ASAP1: variants seen among roughly 807,000 people sequenced by gnomAD.
The protein encoded by ASAP1 is arf-GAP with SH3 domain, ANK repeat and PH domain-containing protein 1.
Under a neutral mutation model 145.2 loss-of-function variants are expected in ASAP1, and 43 were observed. That is an observed-to-expected ratio of 0.30 (90% CI 0.23 to 0.38). The LOEUF (loss-of-function observed/expected upper bound fraction) is 0.38, where lower values mean the gene tolerates loss of function less well. ASAP1 is among the 10% of genes least tolerant of loss of function. The pLI is 1.00. For missense variants in ASAP1, 1,018 were observed against 1,355.3 expected (o/e 0.75, Z 3.91); for synonymous variants, 546 against 515.5 (o/e 1.06, Z -0.80).
chr8:130,402,016 A>C, intron 1 of ASAP1, 46 bp from the exon 2 acceptor site: 1 of 1,284,976 alleles, frequency 7.8e-7, no homozygotes, highest in Non-Finnish European at 1.1e-6. Context: ...CATCCGGTGA[A>C]ACTGGGCAGA....
chr8:130,337,828 G>A (rs1038549566), intron 3 of ASAP1, among the ~76,000 whole-genome samples: 1 of 152,156 alleles, frequency 6.6e-6, no homozygotes, highest in African/African-American at 2.4e-5. Flanking sequence ...GCCAGACTTG[G>A]TAGCAAACTC....
At chr8:130,230,733 A>AT (rs1348786438) in intron 4 of ASAP1, among the ~76,000 whole-genome samples, 2 of 152,144 alleles carry the variant, frequency 1.3e-5, no homozygotes, top group African/African-American at 4.8e-5. Context: ...ATTCAAAAAG[A>AT]TTTTTTAAAA....
chr8:130,171,323 G>A (rs1203298015), intron 9 of ASAP1, among the ~76,000 whole-genome samples: 2 of 152,084 alleles, frequency 1.3e-5, no homozygotes, highest in South Asian at 2.1e-4. Context: ...CACCCAAGAC[G>A]GAGTAATTTA....
At chr8:130,182,966 A>G (rs938003372) in intron 7 of ASAP1, among the ~76,000 whole-genome samples, 2 of 151,874 alleles carry the variant, frequency 1.3e-5, no homozygotes, top group African/African-American at 4.8e-5. Context: ...TATAAATAGA[A>G]CAGAAAAGAG....
Position 130,079,924 on chromosome 8 carries a change from C to G in ASAP1, c.2620G>C (p.Glu874Gln). 6.2e-7 allele frequency: 1 copy of G among 1,614,188 alleles called. No homozygotes were observed. Among genetic ancestry groups the G allele is most frequent in the African/African-American group, 1.3e-5 (1 of 75,058 alleles). ...TACCTCGACTGCTGGGATAGTCCCTCAAACTTGTTTGTAGTCTTACTTGAA... is the reference window on the plus strand; with the variant it reads ...TACCTCGACTGCTGGGATAGTCCCTGAAACTTGTTTGTAGTCTTACTTGAA... ...SSSSKTTNKF[E>Q]GLSQQSSTSS... Residue 874 changes from glutamate (E) to glutamine (Q), a missense_variant, in exon 26 of 30, where the codon GAG becomes CAG. This residue lies in a region of ASAP1 where 353 missense variants were observed against 375.4 expected (regional missense o/e 0.94). Coordinates refer to ENST00000518721, the MANE Select transcript of ASAP1 (RefSeq NM_018482.4).
intron 27 of ASAP1, among the ~76,000 whole-genome samples, chr8:130,061,593 C>T (rs555074021): frequency 1.3e-5 from 2 of 152,212 alleles, no homozygotes; most frequent in African/African-American, 4.8e-5. Context: ...TATTTCTCCC[C>T]ATTTTACATG....
At chr8:130,138,643 C>T (rs1314713213) in intron 13 of ASAP1, among the ~76,000 whole-genome samples, 1 of 152,026 alleles carries the variant, frequency 6.6e-6, no homozygotes, top group Non-Finnish European at 1.5e-5. Context: ...TCCAGACCCG[C>T]CTGATCAACA....
chr8:130,162,825 A>G (rs1005216647), intron 11 of ASAP1: 1 of 152,132 alleles, frequency 6.6e-6, no homozygotes, highest in Non-Finnish European at 1.5e-5. Flanking sequence ...CTCAAAAAAA[A>G]AAAAAAACAA....
chr8:130,122,644 T>G (rs975524560), intron 18 of ASAP1, among the ~76,000 whole-genome samples: 2 of 152,206 alleles, frequency 1.3e-5, no homozygotes, highest in Non-Finnish European at 2.9e-5. Context: ...TTGTCCAAGG[T>G]CACATAGTTT....
chr8:130,166,291 G>A (rs549633764), intron 11 of ASAP1, among the ~76,000 whole-genome samples: 2 of 152,322 alleles, frequency 1.3e-5, no homozygotes, highest in Admixed American at 1.3e-4. Flanking sequence ...TTACAGGCAT[G>A]AGCCACTGCT....
rs141166789 is a variant in ASAP1 at position 130,095,112 on chromosome 8, C to A, written c.2402-2969G>T. 1.6e-3 allele frequency among the ~76,000 whole-genome samples: 232 copies of A among 149,474 alleles called. 4 individuals are homozygous for A. The East Asian group carries it at 0.042, about 27-fold the overall frequency. On this transcript the variant is annotated intron_variant, in intron 24 of 29. Transcript: ENST00000518721. ...GTCCCATGCCCTTATATACTTCTGA[C>A]TTCCTTCATATTGCTGAGTATAATC...
chr8:130,148,685 A>T lies in ASAP1; in HGVS notation c.1080+4051T>A, dbSNP rs1457936920. On this transcript the variant is annotated intron_variant, in intron 13 of 29. Coordinates refer to ENST00000518721, the MANE Select transcript of ASAP1 (RefSeq NM_018482.4). Reference sequence around the variant, plus strand: ...TCAAGATTACTACAATAAATATGTCAACTATAATTCTTATACTTTCTGTTG... The same window carrying T: ...TCAAGATTACTACAATAAATATGTCTACTATAATTCTTATACTTTCTGTTG... Among the ~76,000 whole-genome samples, 28 of 152,260 alleles carry T rather than the reference A, an allele frequency of 1.8e-4. 1 individual carries two copies. Among genetic ancestry groups the T allele is most frequent in the Admixed American group, 1.8e-3 (28 of 15,282 alleles).
At chr8:130,378,438 C>G (rs1827604542) in intron 2 of ASAP1, among the ~76,000 whole-genome samples, 1 of 152,158 alleles carries the variant, frequency 6.6e-6, no homozygotes. Flanking sequence ...GGATGGCTGG[C>G]AAAGGATGGT....
chr8:130,088,186 A>G (rs780155905), intron 25 of ASAP1, among the ~76,000 whole-genome samples: 7 of 152,130 alleles, frequency 4.6e-5, no homozygotes, highest in Non-Finnish European at 7.3e-5. Flanking sequence ...GCTGGGGTGC[A>G]ATGGTGCAAT....
At chr8:130,158,902 T>C (rs1222447482) in intron 12 of ASAP1, among the ~76,000 whole-genome samples, 1 of 152,066 alleles carries the variant, frequency 6.6e-6, no homozygotes, top group Non-Finnish European at 1.5e-5. Context: ...TGGCTAATTT[T>C]TTGTATTTTT....
At chr8:130,230,313 T>G (rs916432617) in intron 4 of ASAP1, among the ~76,000 whole-genome samples, 5 of 152,180 alleles carry the variant, frequency 3.3e-5, no homozygotes, top group Admixed American at 6.5e-5. Flanking sequence ...GAATAGCTTC[T>G]AATTTCAAGT....
At chr8:130,098,730 T>C (rs1327928545) in intron 24 of ASAP1, among the ~76,000 whole-genome samples, 2 of 152,202 alleles carry the variant, frequency 1.3e-5, no homozygotes, top group Non-Finnish European at 2.9e-5. Context: ...TGTGTAATGA[T>C]CAAATCAGGG....
At chr8:130,424,908 G>C (rs564583264) in intron 1 of ASAP1, among the ~76,000 whole-genome samples, 32 of 151,466 alleles carry the variant, frequency 2.1e-4, no homozygotes, top group African/African-American at 7.3e-4. Context: ...CAGGAGAATC[G>C]CTTGAACCCG....
Position 130,379,788 on chromosome 8 carries a change from A to G in ASAP1, c.60-21645T>C, listed in dbSNP as rs117615438. On this transcript the variant is annotated intron_variant, in intron 2 of 29. Coordinates refer to ENST00000518721, the MANE Select transcript of ASAP1 (RefSeq NM_018482.4). ...GGCCCTACTGCCACAGTGACACAAG[A>G]GGCCAGTGCTCATCAGGGTGGCTCT... is the stretch of plus-strand genomic sequence containing the variant. Among the ~76,000 whole-genome samples the G allele has an allele frequency of 1.2e-3, 185 of 152,280 alleles. 1 individual carries two copies. The East Asian group carries it at 0.031, about 26-fold the overall frequency.
Sources: gnomAD v4.1 joint callset for allele counts (sites outside exome capture counted in the v4.1 genomes callset) on GRCh38, gnomAD v4.1.1 for gene constraint, gnomAD v4.1.1 regional missense constraint, MANE v1.5 for transcripts, NCBI Gene and HGNC (gene_info 2026-07-23, HGNC 2026-07-21) for gene names.